SNX18: variants seen among roughly 807,000 people sequenced by gnomAD.
SNX18 encodes the protein sorting nexin-18.
SNX18 carries 35 observed loss-of-function variants against 48.7 expected under a neutral mutation model. That is an observed-to-expected ratio of 0.72 (90% CI 0.55 to 0.95). The LOEUF (loss-of-function observed/expected upper bound fraction) is 0.95. Ranked by LOEUF, SNX18 falls within the 40% of genes least tolerant of loss-of-function variation. The probability of loss-of-function intolerance (pLI) is 0.00; values close to 1 mark genes in which losing one functional copy is unlikely to be tolerated. For missense variants in SNX18, 824 were observed against 871.0 expected (o/e 0.95, Z 0.68); for synonymous variants, 492 against 384.7 (o/e 1.28, Z -3.26).
At chr5:54,647,094 C>T in the SNX18 span, among the ~76,000 whole-genome samples, 89 of 152,342 alleles carry the variant, frequency 5.8e-4, no homozygotes, top group African/African-American at 2.1e-3. Context: ...TGTTCTAATA[C>T]ATGGCTTGTT....
At chr5:54,585,775 G>A in the SNX18 span, among the ~76,000 whole-genome samples, 1,657 of 152,102 alleles carry the variant, frequency 0.011, 30 homozygotes, top group African/African-American at 0.038. Flanking sequence ...AGGCCGAGGC[G>A]GGCGGATCAC....
chr5:54,601,136 G>A, the SNX18 span, among the ~76,000 whole-genome samples: 1 of 151,366 alleles, frequency 6.6e-6, no homozygotes, highest in African/African-American at 2.4e-5. Context: ...ATGTAGTGAT[G>A]TGCTGGAACA....
At chr5:54,628,786 G>A in the SNX18 span, among the ~76,000 whole-genome samples, 2 of 152,198 alleles carry the variant, frequency 1.3e-5, no homozygotes, top group African/African-American at 2.4e-5. Flanking sequence ...TAACCAGGCC[G>A]CCTCATGGCT....
chr5:54,623,747 T>A, the SNX18 span, among the ~76,000 whole-genome samples: 1 of 152,164 alleles, frequency 6.6e-6, no homozygotes, highest in Non-Finnish European at 1.5e-5. Context: ...ATAAATACTG[T>A]CCTATTGCCA....
At chr5:54,561,284 A>C in the SNX18 span, among the ~76,000 whole-genome samples, 4 of 151,042 alleles carry the variant, frequency 2.6e-5, no homozygotes, top group African/African-American at 7.3e-5. Context: ...CAGGTGATCC[A>C]CCCGCCTCAG....
chr5:54,616,477 G>T, the SNX18 span, among the ~76,000 whole-genome samples: 1 of 152,264 alleles, frequency 6.6e-6, no homozygotes, highest in South Asian at 2.1e-4. Flanking sequence ...AAAGATTAAA[G>T]AAATGTGCAT....
chr5:54,551,802 C>G, the SNX18 span, among the ~76,000 whole-genome samples: 10 of 152,146 alleles, frequency 6.6e-5, no homozygotes, highest in Non-Finnish European at 1.0e-4. Flanking sequence ...CCTATCCTAT[C>G]CTACACTTTC....
At chr5:54,631,427 A>G in the SNX18 span, among the ~76,000 whole-genome samples, 1 of 152,236 alleles carries the variant, frequency 6.6e-6, no homozygotes, top group East Asian at 1.9e-4. Flanking sequence ...AAGGCTTCAA[A>G]TAAAACAATT....
chr5:54,632,502 G>A, the SNX18 span, among the ~76,000 whole-genome samples: 1 of 152,122 alleles, frequency 6.6e-6, no homozygotes, highest in Admixed American at 6.5e-5. Flanking sequence ...CACACCCCCA[G>A]CCCAGCACAC....
the SNX18 span, among the ~76,000 whole-genome samples, chr5:54,626,411 C>A: frequency 1.3e-5 from 2 of 152,268 alleles, no homozygotes; most frequent in Non-Finnish European, 2.9e-5. Context: ...CCCACCTTGG[C>A]TCCCAGAGTG....
the SNX18 span, among the ~76,000 whole-genome samples, chr5:54,622,532 A>T: frequency 1.3e-5 from 2 of 151,036 alleles, no homozygotes; most frequent in Admixed American, 6.6e-5. Flanking sequence ...CCTTTCATAA[A>T]TGCTTTGACC....
chr5:54,577,145 T>G, the SNX18 span, among the ~76,000 whole-genome samples: 3 of 152,194 alleles, frequency 2.0e-5, no homozygotes. Context: ...GATTTTGAGC[T>G]GAAGTTCAAA....
the SNX18 span, among the ~76,000 whole-genome samples, chr5:54,620,595 A>G: frequency 6.6e-6 from 1 of 152,222 alleles, no homozygotes; most frequent in Non-Finnish European, 1.5e-5. Context: ...CTGACATAAG[A>G]ATGAGAGGTG....
At chr5:54,531,064 A>G (rs928343233) in intron 1 of SNX18, among the ~76,000 whole-genome samples, 3 of 151,946 alleles carry the variant, frequency 2.0e-5, no homozygotes, top group Middle Eastern at 3.2e-3. Flanking sequence ...AACCACAGAA[A>G]TTTAAACTGC....
At chr5:54,564,742 CA>C in the SNX18 span, among the ~76,000 whole-genome samples, 1 of 152,140 alleles carries the variant, frequency 6.6e-6, no homozygotes, top group East Asian at 1.9e-4. Flanking sequence ...CCTGTAGTCC[CA>C]GCTACTTGGG....
rs1762519481 is a variant in SNX18, at chr5:54,543,955, C to T, written c.*523C>T. ...TTCCCCACCTTTTTAAAGTAAGCCA[C>T]AGCTTTTCTGATTGAAAGAGTGAAA... On this transcript the variant is annotated 3_prime_UTR_variant, in exon 2 of 2. Transcript: ENST00000381410. 6.9e-6 allele frequency: 1 copy of T among 144,258 alleles called. No homozygotes were observed. The highest frequency in any genetic ancestry group is 2.6e-5 in the African/African-American group (1 of 38,956). 8.9% of individuals were successfully genotyped at this position (144,258 alleles called of 1,614,324 possible).
the SNX18 span, among the ~76,000 whole-genome samples, chr5:54,633,260 T>C: frequency 4.0e-3 from 613 of 152,116 alleles, 6 homozygotes; most frequent in African/African-American, 0.014. Context: ...AAGCTGCAAA[T>C]AGAAAGAGCA....
chr5:54,534,580 T>G (rs1265697818), intron 1 of SNX18, among the ~76,000 whole-genome samples: 1 of 152,040 alleles, frequency 6.6e-6, no homozygotes, highest in East Asian at 1.9e-4. Flanking sequence ...CTTTCTTTTT[T>G]TTTCCCCCTG....
the SNX18 span, among the ~76,000 whole-genome samples, chr5:54,593,317 AG>A: frequency 8.8e-3 from 1,339 of 152,328 alleles, 18 homozygotes; most frequent in African/African-American, 0.031. Flanking sequence ...TAAAAATAAA[AG>A]TAAAAAGTCT....
Sources: allele counts gnomAD v4.1 joint callset (sites outside exome capture counted in the v4.1 genomes callset), GRCh38; gene constraint gnomAD v4.1.1; transcripts MANE v1.5; gene names NCBI Gene and HGNC (gene_info 2026-07-23, HGNC 2026-07-21).